TMEM132C: variants seen among roughly 807,000 people sequenced by gnomAD.
TMEM132C encodes the protein transmembrane protein 132C, also known as protein phosphatase 1, regulatory subunit 152.
TMEM132C carries 29 observed loss-of-function variants against 61.4 expected under a neutral mutation model. The observed-to-expected ratio is 0.47, with a 90% CI of 0.35 to 0.64. TMEM132C has a LOEUF of 0.64. TMEM132C is among the 30% of genes least tolerant of loss of function. The probability of loss-of-function intolerance (pLI) is 0.00; values close to 1 mark genes in which losing one functional copy is unlikely to be tolerated. For missense variants in TMEM132C, 1,408 were observed against 1,476.9 expected, an observed-to-expected ratio of 0.95 and a Z score of 0.76; for synonymous variants, 656 against 633.1, an observed-to-expected ratio of 1.04 and a Z score of -0.54.
In TMEM132C at chr12:128,305,182, C is replaced by T. The variant is rs145587763; in HGVS notation, c.85+37695C>T. On this transcript the variant is annotated intron_variant, in intron 1 of 8. Transcript: ENST00000435159. ...TCACTTGAGGCCAGGAGTTCGGCCTCGGCAACACAGTAGGACTCCATCTCT... is the reference window on the plus strand; with the variant it reads ...TCACTTGAGGCCAGGAGTTCGGCCTTGGCAACACAGTAGGACTCCATCTCT... Among the ~76,000 whole-genome samples, 836 of 151,934 alleles carry T rather than the reference C, an allele frequency of 5.5e-3. 7 individuals are homozygous for T. The highest frequency in any genetic ancestry group is 0.019 in the African/African-American group (786 of 41,426).
chr12:128,298,964 C>T (rs1691168397), intron 1 of TMEM132C, among the ~76,000 whole-genome samples: 2 of 152,244 alleles, frequency 1.3e-5, no homozygotes, highest in African/African-American at 2.4e-5. Flanking sequence ...ACTATCATTT[C>T]CCCAGTGTGG....
At chr12:128,676,340 G>A (rs1274831842) in intron 5 of TMEM132C, among the ~76,000 whole-genome samples, 2 of 150,510 alleles carry the variant, frequency 1.3e-5, no homozygotes, top group Non-Finnish European at 2.9e-5. Flanking sequence ...TCCCAGCAAG[G>A]ATAACTATAC....
Position 128,614,416 on chromosome 12 carries a change from G to A in TMEM132C, c.1122-1736G>A, listed in dbSNP as rs562033764. ...GGCAGCTGGCTGCATTTGGTTCACAGGACACAGTTTGCTGTCTCCTGCCCT... is the reference window on the plus strand; with the variant it reads ...GGCAGCTGGCTGCATTTGGTTCACAAGACACAGTTTGCTGTCTCCTGCCCT... On this transcript the variant is annotated intron_variant, in intron 3 of 8. Coordinates refer to ENST00000435159, the MANE Select transcript of TMEM132C (RefSeq NM_001136103.3). Among the ~76,000 whole-genome samples the A allele has an allele frequency of 4.5e-4, 68 of 152,254 alleles. 1 individual carries two copies. The highest frequency in any genetic ancestry group is 1.5e-3 in the African/African-American group (64 of 41,544).
intron 5 of TMEM132C, 72 bp from the exon 6 acceptor site, chr12:128,693,756 GA>G: frequency 1.3e-6 from 2 of 1,510,198 alleles, no homozygotes; most frequent in Non-Finnish European, 1.8e-6. Flanking sequence ...AAGATAATAG[GA>G]AAAACAAAAA....
At chr12:128,376,199 T>TA (rs1367294641) in intron 1 of TMEM132C, among the ~76,000 whole-genome samples, 1 of 152,346 alleles carries the variant, frequency 6.6e-6, no homozygotes, top group Admixed American at 6.5e-5. Context: ...ACCAAAGAAA[T>TA]ACTGCAGTAG....
At chr12:128,506,778 G>A (rs1227201436) in intron 2 of TMEM132C, among the ~76,000 whole-genome samples, 3 of 152,136 alleles carry the variant, frequency 2.0e-5, no homozygotes, top group Non-Finnish European at 4.4e-5. Flanking sequence ...TAGACTTGGC[G>A]AATCAGAATG....
chr12:128,319,908 C>G (rs928273185), intron 1 of TMEM132C, among the ~76,000 whole-genome samples: 2 of 151,772 alleles, frequency 1.3e-5, no homozygotes, highest in Non-Finnish European at 2.9e-5. Context: ...GCGGGATGAT[C>G]TAAGAAAGTC....
chr12:128,594,532 C>T (rs1875878537), intron 3 of TMEM132C, among the ~76,000 whole-genome samples: 1 of 152,130 alleles, frequency 6.6e-6, no homozygotes, highest in African/African-American at 2.4e-5. Flanking sequence ...AGCCAGGGAC[C>T]TCCCACCCCT....
intron 2 of TMEM132C, among the ~76,000 whole-genome samples, chr12:128,517,135 G>A (rs1001717994): frequency 1.1e-4 from 16 of 152,064 alleles, no homozygotes; most frequent in African/African-American, 3.9e-4. Flanking sequence ...TGAGTCTGGG[G>A]CAGGAGAATC....
chr12:128,666,852 C>T (rs530270761), intron 4 of TMEM132C, among the ~76,000 whole-genome samples: 45 of 152,262 alleles, frequency 3.0e-4, no homozygotes, highest in African/African-American at 9.9e-4. Context: ...AGGTGGATCA[C>T]GAGGTCAGGA....
At chr12:128,531,453 G>A (rs1401693742) in intron 2 of TMEM132C, among the ~76,000 whole-genome samples, 1 of 152,252 alleles carries the variant, frequency 6.6e-6, no homozygotes, top group Non-Finnish European at 1.5e-5. Context: ...AGATGGACTG[G>A]CAGTGGCTGT....
chr12:128,494,832 GTC>G (rs1478312816), intron 2 of TMEM132C, among the ~76,000 whole-genome samples: 4 of 151,814 alleles, frequency 2.6e-5, no homozygotes, highest in African/African-American at 9.7e-5. Flanking sequence ...GGTTTTTTGT[GTC>G]TCTATCTCCT....
chr12:128,675,159 A>G (rs114025292), intron 5 of TMEM132C, among the ~76,000 whole-genome samples: 2,173 of 152,160 alleles, frequency 0.014, 50 homozygotes, highest in African/African-American at 0.049. Flanking sequence ...AACATTTATT[A>G]ACCAACTACC....
At chr12:128,463,857 C>A (rs1870627083) in intron 2 of TMEM132C, among the ~76,000 whole-genome samples, 1 of 152,148 alleles carries the variant, frequency 6.6e-6, no homozygotes, top group African/African-American at 2.4e-5. Flanking sequence ...AGTGGGCAAA[C>A]TCCAAGATGT....
intron 4 of TMEM132C, among the ~76,000 whole-genome samples, chr12:128,657,819 G>A (rs1954341880): frequency 6.6e-6 from 1 of 152,230 alleles, no homozygotes; most frequent in Admixed American, 6.5e-5. Flanking sequence ...CATTCAAATA[G>A]TGTCACAGTT....
intron 2 of TMEM132C, among the ~76,000 whole-genome samples, chr12:128,511,730 C>T (rs943257670): frequency 3.9e-5 from 6 of 152,182 alleles, no homozygotes; most frequent in African/African-American, 1.4e-4. Flanking sequence ...CCTCTGTCCC[C>T]AGCCCCAGGA....
chr12:128,504,283 T>A (rs1289001030), intron 2 of TMEM132C, among the ~76,000 whole-genome samples: 1 of 152,084 alleles, frequency 6.6e-6, no homozygotes. Flanking sequence ...GCCAATATGC[T>A]CTTTTGGCCA....
intron 4 of TMEM132C, among the ~76,000 whole-genome samples, chr12:128,660,628 C>G (rs1020240118): frequency 6.6e-6 from 1 of 152,164 alleles, no homozygotes; most frequent in Non-Finnish European, 1.5e-5. Flanking sequence ...GCATATAGTT[C>G]AAGGATGGGG....
Position 128,706,971 on chromosome 12 carries a change from A to G in TMEM132C, c.*676A>G, listed in dbSNP as rs1954846131. On this transcript the variant is annotated 3_prime_UTR_variant, in exon 9 of 9. Coordinates refer to ENST00000435159, the MANE Select transcript of TMEM132C (RefSeq NM_001136103.3). ...GCAGTATATTTTTCCTAAATGAAAC[A>G]TAAATTATATTCCTATTCATTAGAT... 1.3e-5 allele frequency: 2 copies of G among 152,230 alleles called. No homozygotes were observed. Among genetic ancestry groups the G allele is most frequent in the Admixed American group, 1.3e-4 (2 of 15,288 alleles). 9.4% of individuals were successfully genotyped at this position (152,230 alleles called of 1,614,324 possible).
Sources: allele counts gnomAD v4.1 joint callset (sites outside exome capture counted in the v4.1 genomes callset), GRCh38; gene constraint gnomAD v4.1.1; transcripts MANE v1.5; gene names NCBI Gene and HGNC (gene_info 2026-07-23, HGNC 2026-07-21).